Variants in CCDC88C observed in about 807,000 individuals in gnomAD.
CCDC88C encodes the protein protein Daple.
CCDC88C carries 131 observed loss-of-function variants against 198.8 expected under a neutral mutation model. The observed-to-expected ratio is 0.66, with a 90% CI of 0.57 to 0.76. The LOEUF is 0.76. Ranked by LOEUF, CCDC88C falls within the 30% of genes least tolerant of loss-of-function variation. CCDC88C has a pLI of 0.00. For missense variants in CCDC88C, 2,553 were observed against 2,631.6 expected, an observed-to-expected ratio of 0.97 and a Z score of 0.65; for synonymous variants, 1,166 against 1,114.7, an observed-to-expected ratio of 1.05 and a Z score of -0.92.
At chr14:91,409,326 C>T (rs568905383) in intron 2 of CCDC88C, among the ~76,000 whole-genome samples, 2 of 151,756 alleles carry the variant, frequency 1.3e-5, no homozygotes, top group East Asian at 3.9e-4. Context: ...GCAGCTAGGA[C>T]TACAGGCCCA....
chr14:91,360,373 G>A (rs1011595394), intron 3 of CCDC88C, among the ~76,000 whole-genome samples: 4 of 152,094 alleles, frequency 2.6e-5, no homozygotes, highest in Admixed American at 6.5e-5. Flanking sequence ...GCTTGAACCT[G>A]GGTGGTCGAA....
chr14:91,298,999 G>A (rs995548173), intron 21 of CCDC88C, among the ~76,000 whole-genome samples: 7 of 152,300 alleles, frequency 4.6e-5, no homozygotes, highest in African/African-American at 1.4e-4. Context: ...TAGTATAGTC[G>A]ATTCTCATTA....
intron 3 of CCDC88C, among the ~76,000 whole-genome samples, chr14:91,362,213 A>G (rs1364403572): frequency 6.6e-6 from 1 of 151,580 alleles, no homozygotes; most frequent in African/African-American, 2.4e-5. Flanking sequence ...CAGCCTGGGC[A>G]ACAGAGCAAG....
chr14:91,293,365 C>T lies in CCDC88C; in HGVS notation c.4112+808G>A, dbSNP rs1370240109. Among the ~76,000 whole-genome samples, 15 of 84,600 alleles carry T rather than the reference C, an allele frequency of 1.8e-4. 1 individual carries two copies. Among genetic ancestry groups the T allele is most frequent in the Admixed American group, 4.0e-4 (3 of 7,584 alleles). 55.5% of individuals were successfully genotyped at this position (84,600 alleles called of 152,430 possible). On this transcript the variant is annotated intron_variant, in intron 23 of 29. Coordinates refer to ENST00000389857, the MANE Select transcript of CCDC88C (RefSeq NM_001080414.4). The stretch of plus-strand genomic sequence containing the variant: ...CTTCCTGTCCCCTCGCCTGCCACGG[C>T]CCACCTTCCTGCCCCCTCGCCTGCC...
At chr14:91,397,751 C>T (rs575581549) in intron 3 of CCDC88C, among the ~76,000 whole-genome samples, 1 of 152,190 alleles carries the variant, frequency 6.6e-6, no homozygotes, top group Non-Finnish European at 1.5e-5. Flanking sequence ...CGGGTTATCA[C>T]GGGAGCCCAC....
At chr14:91,345,190 A>ATATATATATATATATTT (rs1246878587) in intron 4 of CCDC88C, among the ~76,000 whole-genome samples, 3 of 52,204 alleles carry the variant, frequency 5.7e-5, no homozygotes, top group African/African-American at 2.4e-4. Flanking sequence ...ATATATATAT[A>ATATATATATATATATTT]TTTTTTTTTT....
intron 3 of CCDC88C, among the ~76,000 whole-genome samples, chr14:91,405,195 C>T (rs1160163003): frequency 6.6e-5 from 10 of 152,144 alleles, no homozygotes; most frequent in Non-Finnish European, 1.5e-4. Context: ...CCTAGCGACA[C>T]GGCCCACGCT....
At chr14:91,345,087 C>T (rs1275087356) in intron 4 of CCDC88C, among the ~76,000 whole-genome samples, 3 of 150,058 alleles carry the variant, frequency 2.0e-5, no homozygotes, top group African/African-American at 7.4e-5. Flanking sequence ...AGCCACTGCA[C>T]CTTTTTGATG....
chr14:91,289,561 G>A (rs1890573427), intron 24 of CCDC88C, among the ~76,000 whole-genome samples: 1 of 152,188 alleles, frequency 6.6e-6, no homozygotes, highest in Non-Finnish European at 1.5e-5. Flanking sequence ...GGGGATGGTA[G>A]AGCCATGTGC....
At chr14:91,368,960 C>G (rs1894659208) in intron 3 of CCDC88C, among the ~76,000 whole-genome samples, 1 of 152,224 alleles carries the variant, frequency 6.6e-6, no homozygotes, top group South Asian at 2.1e-4. Flanking sequence ...GGTTCCATCT[C>G]CTTTCTCCTC....
chr14:91,391,750 G>C (rs1885518401), intron 3 of CCDC88C, among the ~76,000 whole-genome samples: 1 of 152,170 alleles, frequency 6.6e-6, no homozygotes, highest in South Asian at 2.1e-4. Flanking sequence ...CTGTACTCCA[G>C]CCTGGGTGAC....
chr14:91,310,839 C>T (rs1365888424), intron 15 of CCDC88C, among the ~76,000 whole-genome samples: 3 of 152,178 alleles, frequency 2.0e-5, no homozygotes, highest in Non-Finnish European at 2.9e-5. Flanking sequence ...CACAGTCATT[C>T]GCATGCACGC....
At chr14:91,320,519 T>C (rs1408318242) in intron 13 of CCDC88C, among the ~76,000 whole-genome samples, 1 of 152,166 alleles carries the variant, frequency 6.6e-6, no homozygotes, top group Admixed American at 6.5e-5. Flanking sequence ...ATCTAGGCAA[T>C]AGCGGAGCCC....
intron 12 of CCDC88C, among the ~76,000 whole-genome samples, chr14:91,324,223 G>A (rs1312770842): frequency 6.6e-6 from 1 of 152,238 alleles, no homozygotes; most frequent in African/African-American, 2.4e-5. Context: ...GCGGGGCAGT[G>A]GGCAGCAGAG....
At chr14:91,315,089 T>C (rs1050360989) in intron 14 of CCDC88C, among the ~76,000 whole-genome samples, 1 of 152,138 alleles carries the variant, frequency 6.6e-6, no homozygotes, top group African/African-American at 2.4e-5. Context: ...CTACGGAGCA[T>C]CCTTGGGAGG....
In CCDC88C at chr14:91,371,020, G is replaced by A. The variant is rs1894771405; in HGVS notation, c.271-11309C>T. Among the ~76,000 whole-genome samples, 1 of 152,152 alleles carries A rather than the reference G, an allele frequency of 6.6e-6. No individual in the cohort carries two copies. The highest frequency in any genetic ancestry group is 2.1e-4 in the South Asian group (1 of 4,832). On this transcript the variant is annotated intron_variant, in intron 3 of 29. Transcript: ENST00000389857. The surrounding 1 kb of genome is among the most constrained non-coding windows in gnomAD (Gnocchi z 4.2). ...GCCCTGAGGTGTGTGTTTGGGGTGAGGCAGAAGGACTTCAAGGATTAGGCT... is the reference window on the plus strand; with the variant it reads ...GCCCTGAGGTGTGTGTTTGGGGTGAAGCAGAAGGACTTCAAGGATTAGGCT...
chr14:91,331,936 C>G (rs114557879), intron 10 of CCDC88C, among the ~76,000 whole-genome samples: 1,670 of 152,106 alleles, frequency 0.011, 31 homozygotes, highest in African/African-American at 0.037. Flanking sequence ...GTAGACTGTG[C>G]CCAGCTAGGT....
intron 20 of CCDC88C, among the ~76,000 whole-genome samples, chr14:91,300,881 G>C (rs1024596413): frequency 1.3e-5 from 2 of 152,298 alleles, no homozygotes; most frequent in African/African-American, 4.8e-5. Context: ...GAAGTGTTGA[G>C]AAGTCTGAGG....
Position 91,380,578 on chromosome 14 carries a change from A to G in CCDC88C, c.271-20867T>C, listed in dbSNP as rs1884729438. 2.6e-5 allele frequency among the ~76,000 whole-genome samples: 4 copies of G among 152,230 alleles called. No homozygotes were observed. The South Asian group carries it at 8.3e-4, about 32-fold the overall frequency. ...TTTTTTCCCTTTGCTGTAAAGGGAA[A>G]GAATTTTAAAGCAAACTCCAGCATC... On this transcript the variant is annotated intron_variant, in intron 3 of 29. Coordinates refer to ENST00000389857, the MANE Select transcript of CCDC88C (RefSeq NM_001080414.4).
Sources: gnomAD v4.1 joint callset for allele counts (sites outside exome capture counted in the v4.1 genomes callset) on GRCh38, gnomAD v4.1.1 for gene constraint, Gnocchi (gnomAD v3.1) non-coding constraint, MANE v1.5 for transcripts, NCBI Gene and HGNC (gene_info 2026-07-23, HGNC 2026-07-21) for gene names.